MFRP: variants seen among roughly 807,000 people sequenced by gnomAD.
MFRP encodes membrane frizzled-related protein.
MFRP carries 74 observed loss-of-function variants against 65.8 expected under a neutral mutation model. The ratio of observed to expected loss-of-function variants is 1.12; its 90% CI spans 0.93 to 1.36. MFRP has a LOEUF of 1.36. MFRP is among the 40% of genes most tolerant of loss of function. The probability of loss-of-function intolerance (pLI) is 0.00; values close to 1 mark genes in which losing one functional copy is unlikely to be tolerated. For missense variants in MFRP, 838 were observed against 736.0 expected (o/e 1.14, Z -1.60); for synonymous variants, 336 against 288.3 (o/e 1.17, Z -1.68).
intron 8 of MFRP, 113 bp downstream of exon 8, chr11:119,344,202 C>A: frequency 8.9e-7 from 1 of 1,129,592 alleles, no homozygotes; most frequent in Non-Finnish European, 1.3e-6. Flanking sequence ...TGCTTGATCT[C>A]TGACCTTCCC....
In MFRP at chr11:119,339,122, A is replaced by G; in HGVS notation, c.*1837T>C. On this transcript the variant is annotated 3_prime_UTR_variant, in exon 15 of 15. Transcript: ENST00000619721. The surrounding 1 kb of genome is among the most constrained non-coding windows in gnomAD (Gnocchi z 5.4). ...ACAGCACACTCCTCTGGTCTTGGGC[A>G]GAAATCCAGCCACTGCCCCATGCTG... 1.6e-6 allele frequency: 1 copy of G among 613,226 alleles called. No individual in the cohort carries two copies. The highest frequency in any genetic ancestry group is 2.8e-6 in the Non-Finnish European group (1 of 355,724). 38.0% of individuals were successfully genotyped at this position (613,226 alleles called of 1,614,324 possible). A position where few individuals can be genotyped will look rare whatever the true frequency, so the allele number is the denominator to read the frequency against.
intron 8 of MFRP, 145 bp from the exon 9 acceptor site, chr11:119,344,109 C>T: frequency 8.5e-7 from 1 of 1,171,466 alleles, no homozygotes; most frequent in Admixed American, 1.9e-5. Flanking sequence ...CTTTAATTTA[C>T]CTGGTTTCAG....
Position 119,345,569 on chromosome 11 carries a change from G to GA in MFRP, c.491_492insT (p.Asn167GlnfsTer34), listed in dbSNP as rs730882143. 5.8e-5 allele frequency: 94 copies of GA among 1,613,706 alleles called. No individual in the cohort carries two copies. Among genetic ancestry groups the GA allele is most frequent in the African/African-American group, 9.3e-5 (7 of 74,878 alleles). ...GCCACACGCAGTGGGTGTTGGGGGG[G>GA]TAAGGGTCTGGGTAGTTAGGGCTGC... On this transcript the variant is annotated frameshift_variant, in exon 5 of 15. Transcript: ENST00000619721. LOFTEE classifies it high-confidence loss of function.
chr11:119,344,034 CT>C, intron 8 of MFRP, 70 bp from the exon 9 acceptor site: 1 of 1,594,748 alleles, frequency 6.3e-7, no homozygotes, highest in Non-Finnish European at 8.5e-7. Flanking sequence ...CCAGAAGGGT[CT>C]TCTTCCCCCA....
rs777996384 is a variant in MFRP, at chr11:119,344,381, C to T, written c.909G>A (p.Gly303=). 8.1e-6 allele frequency: 13 copies of T among 1,613,368 alleles called. No homozygotes were observed. In the Admixed American group the frequency reaches 1.7e-4, roughly 21 times the overall value. Residue 303 remains glycine, a synonymous_variant, in exon 8 of 15, where the codon GGG becomes GGA. Coordinates refer to ENST00000619721, the MANE Select transcript of MFRP (RefSeq NM_031433.4). The part of the protein sequence containing the change: ...NCSAKFSGCG[G]NLTGLQGTFS... ...AAGTGCCCTGGAGGCCAGTCAGATT[C>T]CCCCCACACCCTGTAGAGAGGTGGA...
At chr11:119,342,015 G>A in intron 11 of MFRP, 31 bp from the exon 12 acceptor site, 1 of 1,612,220 alleles carries the variant, frequency 6.2e-7, no homozygotes. Flanking sequence ...GCCACTGTGG[G>A]GACTGCTCAC....
Position 119,342,745 on chromosome 11 carries a change from A to G in MFRP, c.1256-18T>C, listed in dbSNP as rs770971634. On this transcript the variant is annotated intron_variant, in intron 10 of 14. Coordinates refer to ENST00000619721, the MANE Select transcript of MFRP (RefSeq NM_031433.4). ...ACAGGGGTCTGCAGGCACAAGGGGC[A>G]TGGCAGTGCCCGGGGACATACCTAC... 2.6e-5 allele frequency: 42 copies of G among 1,613,402 alleles called. No individual in the cohort carries two copies. Among genetic ancestry groups the G allele is most frequent in the Non-Finnish European group, 3.5e-5 (41 of 1,179,964 alleles).
chr11:119,343,983 G>C lies in MFRP; in HGVS notation c.976-19C>G. On this transcript the variant is annotated intron_variant, in intron 8 of 14. Coordinates refer to ENST00000619721, the MANE Select transcript of MFRP (RefSeq NM_031433.4). The stretch of plus-strand genomic sequence containing the variant: ...TGCAGAGCTGGGGGAGGGCATAGGT[G>C]GAGCAATTCATGGCCCCTTCTCCTG... The C allele has an allele frequency of 6.2e-7, 1 of 1,610,656 alleles. No homozygotes were observed. The highest frequency in any genetic ancestry group is 8.5e-7 in the Non-Finnish European group (1 of 1,179,844).
Position 119,339,844 on chromosome 11 carries a change from C to A in MFRP, c.*1115G>T. On this transcript the variant is annotated 3_prime_UTR_variant, in exon 15 of 15. Coordinates refer to ENST00000619721, the MANE Select transcript of MFRP (RefSeq NM_031433.4). This position sits in a 1 kb window ranked among gnomAD's most constrained non-coding sequence, Gnocchi z 5.4. The stretch of plus-strand genomic sequence containing the variant: ...GCCCGGGGTCCCCTCGAGGTCCCGG[C>A]AGTCCTGCGGGGTAAGCGGGGCGGC... The A allele has an allele frequency of 6.7e-7, 1 of 1,491,172 alleles. No homozygotes were observed. Among genetic ancestry groups the A allele is most frequent in the Non-Finnish European group, 8.9e-7 (1 of 1,127,760 alleles). The allele number at this position is 1,491,172 out of a possible 1,614,324, so 92.4% of individuals were successfully genotyped here. A position where few individuals can be genotyped will look rare whatever the true frequency, so the allele number is the denominator to read the frequency against.
Position 119,342,997 on chromosome 11 carries a change from A to G in MFRP, c.1131T>C (p.Cys377=), listed in dbSNP as rs2135369577. 1 of 1,603,646 alleles carries G rather than the reference A, an allele frequency of 6.2e-7. No homozygotes were observed. The highest frequency in any genetic ancestry group is 8.5e-7 in the Non-Finnish European group (1 of 1,176,244). The change falls in exon 10 of 15, where the codon TGT becomes TGC. Residue 377 remains cysteine (C), a synonymous_variant. Transcript: ENST00000619721. ...CGAGGTGGGGGGGTGGCTCTGCTCC[A>G]CAGAACCTGCCCAAAGCAGACAGCT... ...SGAFSLLGRF[C]GAEPPPHLVS...
Position 119,341,310 on chromosome 11 carries a change from G to T in MFRP, c.*238C>A, listed in dbSNP as rs939835152. On this transcript the variant is annotated 3_prime_UTR_variant, in exon 13 of 15. Transcript: ENST00000619721. The stretch of plus-strand genomic sequence containing the variant: ...GCCTGGATGGGAAGTGGTCTCGATT[G>T]TCCGGTGGCACAGTGTGGGGCCAGT... 2.8e-5 allele frequency: 16 copies of T among 574,504 alleles called. No homozygotes were observed. The highest frequency in any genetic ancestry group is 4.7e-5 in the Non-Finnish European group (15 of 322,456). 35.6% of individuals were successfully genotyped at this position (574,504 alleles called of 1,614,324 possible). A position where few individuals can be genotyped will look rare whatever the true frequency, so the allele number is the denominator to read the frequency against.
At position 119,346,325 on chromosome 11, in the gene MFRP, G is replaced by A. The variant is rs779002057; in HGVS notation, c.104C>T (p.Pro35Leu). 2.5e-6 allele frequency: 4 copies of A among 1,614,046 alleles called. No homozygotes were observed. Among genetic ancestry groups the A allele is most frequent in the Non-Finnish European group, 3.4e-6 (4 of 1,180,004 alleles). The change falls in exon 2 of 15, where the codon CCT (proline) becomes CTT (leucine). Residue 35 changes from proline to leucine, a missense_variant. Physicochemically the swap from Pro to Leu is moderately conservative, Grantham distance 98. Coordinates refer to ENST00000619721, the MANE Select transcript of MFRP (RefSeq NM_031433.4). ...AFEPESGPPC[P>L]PPVFPEDASY... ...GGCATCCTCTGGGAAAACTGGGGGAGGGCAGGGTGGCCCAGACTCAGGCTC... is the reference window on the plus strand; with the variant it reads ...GGCATCCTCTGGGAAAACTGGGGGAAGGCAGGGTGGCCCAGACTCAGGCTC...
At chr11:119,342,088 G>A in intron 11 of MFRP, 104 bp from the exon 12 acceptor site, 2 of 1,437,684 alleles carry the variant, frequency 1.4e-6, no homozygotes, top group South Asian at 1.2e-5. Flanking sequence ...GGGTCCAATG[G>A]GGGTGGTTGT....
Position 119,339,030 on chromosome 11 carries a change from AC to A in MFRP, c.*1928del. 1 of 346,850 alleles carries A rather than the reference AC, an allele frequency of 2.9e-6. No individual in the cohort carries two copies. The highest frequency in any genetic ancestry group is 5.3e-6 in the Non-Finnish European group (1 of 189,048). 21.5% of individuals were successfully genotyped at this position (346,850 alleles called of 1,614,324 possible). A position where few individuals can be genotyped will look rare whatever the true frequency, so the allele number is the denominator to read the frequency against. On this transcript the variant is annotated 3_prime_UTR_variant, in exon 15 of 15. Transcript: ENST00000619721. This position sits in a 1 kb window ranked among gnomAD's most constrained non-coding sequence, Gnocchi z 5.4. ...TGGGGAGGATCCAGAGAAGCAGAGGACCAGGAAGAGAGCACCCCACCGTGGG... is the reference window on the plus strand; with the variant it reads ...TGGGGAGGATCCAGAGAAGCAGAGGACAGGAAGAGAGCACCCCACCGTGGG...
At chr11:119,344,000 C>G (rs45575342) in intron 8 of MFRP, 36 bp from the exon 9 acceptor site, 3 of 1,608,876 alleles carry the variant, frequency 1.9e-6, no homozygotes, top group Admixed American at 1.7e-5. Flanking sequence ...TTCATGGCCC[C>G]TTCTCCTGTC....
Position 119,340,165 on chromosome 11 carries a change from C to A in MFRP, c.*1110+19G>T. On this transcript the variant is annotated intron_variant, in intron 14 of 14. Coordinates refer to ENST00000619721, the MANE Select transcript of MFRP (RefSeq NM_031433.4). ...CTGCTCGGACATCGCCACCGATAGC[C>A]GCGGCGGTGCCTTCTTACCCGGCCT... 1 of 1,509,106 alleles carries A rather than the reference C, an allele frequency of 6.6e-7. No homozygotes were observed. The highest frequency in any genetic ancestry group is 1.3e-5 in the South Asian group (1 of 79,892). The allele number at this position is 1,509,106 out of a possible 1,614,324, so 93.5% of individuals were successfully genotyped here.
At position 119,345,526 on chromosome 11, in the gene MFRP, C is replaced by T. The variant is rs1591306399; in HGVS notation, c.535G>A (p.Asp179Asn). Residue 179 changes from aspartate to asparagine, a missense_variant, in exon 5 of 15, where the codon GAC becomes AAC. Coordinates refer to ENST00000619721, the MANE Select transcript of MFRP (RefSeq NM_031433.4). ...TCGATCTTGAGCTGTATTGCATGGT[C>T]TGTGGCCACCTGGATATGCCACACG... Reference protein sequence around the residue: ...HCVWHIQVATDHAIQLKIEAL... With the variant: ...HCVWHIQVATNHAIQLKIEAL... 1 of 1,614,096 alleles carries T rather than the reference C, an allele frequency of 6.2e-7. No individual in the cohort carries two copies. The highest frequency in any genetic ancestry group is 2.2e-5 in the East Asian group (1 of 44,874).
Position 119,339,081 on chromosome 11 carries a change from A to T in MFRP, c.*1878T>A. The T allele has an allele frequency of 2.1e-6, 1 of 485,378 alleles. No individual in the cohort carries two copies. Among genetic ancestry groups the T allele is most frequent in the Non-Finnish European group, 3.7e-6 (1 of 273,788 alleles). 30.1% of individuals were successfully genotyped at this position (485,378 alleles called of 1,614,324 possible). ...GCTCCTGGACCAGAGCAACTGGGGG[A>T]CTTACACTTGCCAGCACAGCACACT... On this transcript the variant is annotated 3_prime_UTR_variant, in exon 15 of 15. Coordinates refer to ENST00000619721, the MANE Select transcript of MFRP (RefSeq NM_031433.4). This position sits in a 1 kb window ranked among gnomAD's most constrained non-coding sequence, Gnocchi z 5.4.
Position 119,341,325 on chromosome 11 carries a change from G to T in MFRP, c.*223C>A. ...GGTCTCGATTGTCCGGTGGCACAGT[G>T]TGGGGCCAGTCAGCAGCCTGGGACC... is the stretch of plus-strand genomic sequence containing the variant. On this transcript the variant is annotated 3_prime_UTR_variant, in exon 13 of 15. Coordinates refer to ENST00000619721, the MANE Select transcript of MFRP (RefSeq NM_031433.4). The T allele has an allele frequency of 1.7e-6, 1 of 589,702 alleles. No homozygotes were observed. The highest frequency in any genetic ancestry group is 2.0e-5 in the South Asian group (1 of 49,048). 36.5% of individuals were successfully genotyped at this position (589,702 alleles called of 1,614,324 possible).
Sources: gnomAD v4.1 joint callset for allele counts on GRCh38, gnomAD v4.1.1 for gene constraint, Gnocchi (gnomAD v3.1) non-coding constraint, MANE v1.5 for transcripts, NCBI Gene and HGNC (gene_info 2026-07-23, HGNC 2026-07-21) for gene names.